TMCO1: variants seen among roughly 807,000 people sequenced by gnomAD.
TMCO1 encodes the protein transmembrane and coiled-coil domains 1.
In TMCO1, 29 loss-of-function variants were observed where a neutral mutation model predicts 29.3. The ratio of observed to expected loss-of-function variants is 0.99; its 90% CI spans 0.74 to 1.35. The LOEUF is 1.35. Among genes scored for constraint, TMCO1 ranks in the 40% most tolerant of loss-of-function variants. TMCO1 has a pLI of 0.00. For missense variants in TMCO1, 173 were observed against 225.5 expected (o/e 0.77, Z 1.49); for synonymous variants, 80 against 77.1 (o/e 1.04, Z -0.20).
chr1:165,768,814 T>C lies in TMCO1; in HGVS notation c.-63A>G, dbSNP rs1336516207. 2 of 1,610,914 alleles carry C rather than the reference T, an allele frequency of 1.2e-6. No individual in the cohort carries two copies. The highest frequency in any genetic ancestry group is 1.1e-5 in the South Asian group (1 of 90,668). Reference sequence around the variant, plus strand: ...GAAAGCGCTCTACAGCCAGGAAAAGTGAAGCGAAAACGGCTTCCGTAGACT... The same window carrying C: ...GAAAGCGCTCTACAGCCAGGAAAAGCGAAGCGAAAACGGCTTCCGTAGACT... On this transcript the variant is annotated 5_prime_UTR_variant, in exon 1 of 7. Transcript: ENST00000367881.
intron 5 of TMCO1, among the ~76,000 whole-genome samples, chr1:165,750,574 C>T (rs72699927): frequency 0.068 from 10,282 of 150,342 alleles, 463 homozygotes; most frequent in Non-Finnish European, 0.1. Flanking sequence ...AAAAGTACAT[C>T]CATTCAATGG....
At chr1:165,763,475 C>T (rs1011503716) in intron 2 of TMCO1, among the ~76,000 whole-genome samples, 1 of 152,106 alleles carries the variant, frequency 6.6e-6, no homozygotes, top group Admixed American at 6.6e-5. Context: ...GGTAGATTAT[C>T]CAGAGTAGAG....
chr1:165,768,572 T>C lies in TMCO1; in HGVS notation c.70+110A>G. On this transcript the variant is annotated intron_variant, in intron 1 of 6. Coordinates refer to ENST00000367881, the MANE Select transcript of TMCO1 (RefSeq NM_019026.6). ...CAGAGATTCCCTGAAGTGGAGTAGA[T>C]GAGCCTCTCAAGCAAGTAAGGCTCG... The C allele has an allele frequency of 3.8e-6, 6 of 1,587,986 alleles. No homozygotes were observed. The South Asian group carries it at 6.8e-5, about 18-fold the overall frequency.
intron 2 of TMCO1, among the ~76,000 whole-genome samples, chr1:165,762,989 T>G (rs1188320007): frequency 6.6e-6 from 1 of 152,242 alleles, no homozygotes; most frequent in African/African-American, 2.4e-5. Context: ...AGTGACCACC[T>G]GAGTCAACCA....
chr1:165,725,247 T>A, downstream of TMCO1: 1 of 453,908 alleles, frequency 2.2e-6, no homozygotes, highest in South Asian at 1.6e-5. Flanking sequence ...ACCTACTCCA[T>A]CCTAGTTTGT....
intron 1 of TMCO1, 74 bp downstream of exon 1, chr1:165,768,608 C>T (rs1652671223): frequency 2.5e-6 from 4 of 1,611,488 alleles, no homozygotes; most frequent in Non-Finnish European, 3.4e-6. Flanking sequence ...CGATCTTTCC[C>T]CTGGTGGCAC....
At chr1:165,756,473 G>A (rs1482834928) in intron 3 of TMCO1, among the ~76,000 whole-genome samples, 2 of 152,006 alleles carry the variant, frequency 1.3e-5, no homozygotes, top group Admixed American at 1.3e-4. Context: ...AACCCCTTAT[G>A]ACTTCTTTAT....
rs1220993660 is a variant in TMCO1, at chr1:165,768,508, G to A, written c.70+174C>T. The A allele has an allele frequency of 8.4e-6, 13 of 1,547,776 alleles. No homozygotes were observed. In the East Asian group the frequency reaches 3.2e-4, roughly 38 times the overall value. ...TGAGACCAAAGAAAACTCGGCAATC[G>A]ACTCCATACTCCCCTCCTGCTCCTG... is the stretch of plus-strand genomic sequence containing the variant. On this transcript the variant is annotated intron_variant, in intron 1 of 6. Coordinates refer to ENST00000367881, the MANE Select transcript of TMCO1 (RefSeq NM_019026.6).
rs1258680860 is a variant in TMCO1 at position 165,746,987 on chromosome 1, A to G, written c.324-3676T>C. ...CACAAAAATTGATAACCTGCTGGGC[A>G]TGGTGGCTCACGCCTGTAATCCCAG... On this transcript the variant is annotated intron_variant, in intron 5 of 6. Coordinates refer to ENST00000367881, the MANE Select transcript of TMCO1 (RefSeq NM_019026.6). 2.0e-5 allele frequency among the ~76,000 whole-genome samples: 3 copies of G among 152,164 alleles called. No homozygotes were observed. The East Asian group carries it at 5.8e-4, about 29-fold the overall frequency.
chr1:165,751,974 T>C, intron 5 of TMCO1, 128 bp downstream of exon 5: 1 of 754,654 alleles, frequency 1.3e-6, no homozygotes. Context: ...GGATATACTA[T>C]TCTTGCAACT....
chr1:165,750,496 A>G (rs58892651), intron 5 of TMCO1, among the ~76,000 whole-genome samples: 1,859 of 149,640 alleles, frequency 0.012, 47 homozygotes, highest in African/African-American at 0.044. Context: ...TGTTGAGACC[A>G]GGCCATTGCA....
rs567512207 is a variant in TMCO1, at chr1:165,727,634, G to C, written c.*389C>G. 1 of 453,568 alleles carries C rather than the reference G, an allele frequency of 2.2e-6. No individual in the cohort carries two copies. Among genetic ancestry groups the C allele is most frequent in the Admixed American group, 2.4e-5 (1 of 42,502 alleles). 28.1% of individuals were successfully genotyped at this position (453,568 alleles called of 1,614,324 possible). A position where few individuals can be genotyped will look rare whatever the true frequency, so the allele number is the denominator to read the frequency against. On this transcript the variant is annotated 3_prime_UTR_variant, in exon 7 of 7. Transcript: ENST00000367881. ...CAACAACAAAACAAACAGTTACAAGGGTTAAACAAACTAAATTTTTCTTCT... is the reference window on the plus strand; with the variant it reads ...CAACAACAAAACAAACAGTTACAAGCGTTAAACAAACTAAATTTTTCTTCT...
intron 6 of TMCO1, among the ~76,000 whole-genome samples, chr1:165,739,258 C>A (rs536611058): frequency 6.6e-6 from 1 of 152,256 alleles, no homozygotes; most frequent in African/African-American, 2.4e-5. Context: ...CTATCTAGAC[C>A]TTTACAGAAA....
intron 6 of TMCO1, among the ~76,000 whole-genome samples, chr1:165,729,526 G>A (rs1651059883): frequency 6.6e-6 from 1 of 151,756 alleles, no homozygotes; most frequent in African/African-American, 2.4e-5. Context: ...CACCATGTTG[G>A]CCAGGCTGGT....
At chr1:165,755,217 G>A (rs1652148424) in intron 3 of TMCO1, among the ~76,000 whole-genome samples, 1 of 152,154 alleles carries the variant, frequency 6.6e-6, no homozygotes, top group African/African-American at 2.4e-5. Context: ...TACATTTCTT[G>A]TGGCTATTGG....
chr1:165,768,322 C>CA, intron 1 of TMCO1, 53 bp from the exon 2 acceptor site: 13 of 1,568,434 alleles, frequency 8.3e-6, no homozygotes, highest in Non-Finnish European at 1.1e-5. Context: ...ATGATCACAA[C>CA]AAACAAAGTG....
intron 5 of TMCO1, among the ~76,000 whole-genome samples, chr1:165,745,793 G>T (rs756760900): frequency 6.6e-6 from 1 of 152,126 alleles, no homozygotes; most frequent in Non-Finnish European, 1.5e-5. Context: ...TCTAGGTGCT[G>T]ACAATCTAAG....
chr1:165,760,313 T>C (rs1028891302), intron 2 of TMCO1, among the ~76,000 whole-genome samples: 1 of 151,818 alleles, frequency 6.6e-6, no homozygotes, highest in Non-Finnish European at 1.5e-5. Flanking sequence ...TGCCTATAAT[T>C]CCAGCTACTT....
At chr1:165,728,546 G>A (rs73020512) in intron 6 of TMCO1, among the ~76,000 whole-genome samples, 2,027 of 152,034 alleles carry the variant, frequency 0.013, 53 homozygotes, top group African/African-American at 0.047. Context: ...GGGAGTCACC[G>A]CACCTGGCAA....
Sources: gnomAD v4.1 joint callset for allele counts (sites outside exome capture counted in the v4.1 genomes callset) on GRCh38, gnomAD v4.1.1 for gene constraint, MANE v1.5 for transcripts, NCBI Gene and HGNC (gene_info 2026-07-23, HGNC 2026-07-21) for gene names.